The following IGF2BP1 variants were observed in gnomAD, a reference collection of about 807,000 sequenced individuals.
IGF2BP1 encodes the protein insulin-like growth factor 2 mRNA-binding protein 1.
IGF2BP1 carries 11 observed loss-of-function variants against 74.9 expected under a neutral mutation model. The ratio of observed to expected loss-of-function variants is 0.15; its 90% CI spans 0.09 to 0.24. The LOEUF (loss-of-function observed/expected upper bound fraction) is 0.24. IGF2BP1 is among the 10% of genes least tolerant of loss of function. IGF2BP1 has a pLI of 1.00. For synonymous variants in IGF2BP1, 287 were observed against 281.8 expected, an observed-to-expected ratio of 1.02 and a Z score of -0.18; for missense variants, 440 against 757.4, an observed-to-expected ratio of 0.58 and a Z score of 4.92.
intron 4 of IGF2BP1, 118 bp from the exon 5 acceptor site, chr17:49,031,792 C>G: frequency 2.2e-6 from 2 of 897,520 alleles, no homozygotes; most frequent in Admixed American, 1.9e-5. Flanking sequence ...TGTGATCTAC[C>G]GTGTCTGGCC....
chr17:49,014,908 C>G, intron 2 of IGF2BP1: 1 of 985,328 alleles, frequency 1.0e-6, no homozygotes, highest in Non-Finnish European at 1.2e-6. Flanking sequence ...AGAGGGCCAC[C>G]TCGGCTGTTC....
chr17:49,047,353 GTATT>G (rs2144152893), intron 14 of IGF2BP1, among the ~76,000 whole-genome samples: 1 of 151,948 alleles, frequency 6.6e-6, no homozygotes, highest in Admixed American at 6.5e-5. Context: ...TAACAAAAAA[GTATT>G]AATAAGAGCC....
intron 2 of IGF2BP1, among the ~76,000 whole-genome samples, chr17:49,011,382 T>C (rs892817421): frequency 4.6e-5 from 7 of 152,048 alleles, no homozygotes. Flanking sequence ...CTTTCTACAA[T>C]TATAGGAGCA....
chr17:49,003,814 C>T (rs1182616926), intron 2 of IGF2BP1, among the ~76,000 whole-genome samples: 11 of 133,290 alleles, frequency 8.3e-5, no homozygotes, highest in African/African-American at 3.2e-4. Context: ...AGGGGAGATA[C>T]GGGGTTGGGT....
chr17:49,020,510 C>A (rs1420398537), intron 2 of IGF2BP1, among the ~76,000 whole-genome samples: 1 of 152,206 alleles, frequency 6.6e-6, no homozygotes, highest in African/African-American at 2.4e-5. Flanking sequence ...TGCAGAACCA[C>A]AGCCAGAATT....
intron 5 of IGF2BP1, among the ~76,000 whole-genome samples, chr17:49,037,734 T>G (rs2042005934): frequency 6.6e-6 from 1 of 152,204 alleles, no homozygotes; most frequent in East Asian, 1.9e-4. Flanking sequence ...CACCCTGTAG[T>G]AGGGATTCCT....
At chr17:49,011,492 A>C (rs996308602) in intron 2 of IGF2BP1, among the ~76,000 whole-genome samples, 4 of 152,238 alleles carry the variant, frequency 2.6e-5, no homozygotes, top group African/African-American at 7.2e-5. Context: ...ATCTGAACTA[A>C]GGTCACACCT....
chr17:48,997,383 T>TC (rs58762425), upstream of IGF2BP1: 6 of 161,110 alleles, frequency 3.7e-5, no homozygotes, highest in Non-Finnish European at 6.6e-5. This position sits in a 1 kb window ranked among gnomAD's most constrained non-coding sequence, Gnocchi z 4.8. Flanking sequence ...TTTTTTTTTT[T>TC]CCGCTCCATT....
At chr17:49,001,593 G>A (rs1018235597) in intron 2 of IGF2BP1, among the ~76,000 whole-genome samples, 2 of 152,032 alleles carry the variant, frequency 1.3e-5, no homozygotes, top group Non-Finnish European at 2.9e-5. Context: ...TCAAGAGGCC[G>A]AACACTATGC....
intron 2 of IGF2BP1, chr17:49,014,929 A>C: frequency 2.0e-6 from 2 of 985,090 alleles, no homozygotes; most frequent in Non-Finnish European, 2.4e-6. Flanking sequence ...CCTCTGGAGG[A>C]CAGAGCCCGA....
intron 2 of IGF2BP1, among the ~76,000 whole-genome samples, chr17:49,020,774 T>C (rs2041782184): frequency 6.6e-6 from 1 of 152,082 alleles, no homozygotes; most frequent in Non-Finnish European, 1.5e-5. Context: ...CGTATTTCCA[T>C]AGTTAGTTGA....
chr17:49,020,986 A>T (rs1407731011), intron 2 of IGF2BP1, among the ~76,000 whole-genome samples: 2 of 151,222 alleles, frequency 1.3e-5, no homozygotes, highest in African/African-American at 4.9e-5. Context: ...AAAAAAAAAA[A>T]AAATTGGAGC....
rs2042146787 is a variant in IGF2BP1 at position 49,049,647 on chromosome 17, A to G, written c.*203A>G. On this transcript the variant is annotated 3_prime_UTR_variant, in exon 15 of 15. Coordinates refer to ENST00000290341, the MANE Select transcript of IGF2BP1 (RefSeq NM_006546.4). ...CAAACACCCACCCAATTGGCCCAAC[A>G]CTGTCTGCCCCTCGGGGTGTCAGAA... 2 of 538,732 alleles carry G rather than the reference A, an allele frequency of 3.7e-6. No homozygotes were observed. Among genetic ancestry groups the G allele is most frequent in the East Asian group, 3.2e-5 (1 of 31,166 alleles). The allele number at this position is 538,732 out of a possible 1,614,324, so 33.4% of individuals were successfully genotyped here.
intron 6 of IGF2BP1, among the ~76,000 whole-genome samples, chr17:49,039,201 A>C (rs573384017): frequency 6.6e-6 from 1 of 152,078 alleles, no homozygotes; most frequent in South Asian, 2.1e-4. Flanking sequence ...ATATCTGATC[A>C]GTGTACTCAG....
In IGF2BP1 at chr17:49,044,223, C is replaced by T. The variant is rs112137997; in HGVS notation, c.1320+137C>T. The T allele has an allele frequency of 5.3e-5, 67 of 1,261,094 alleles. 2 individuals carry two copies. In the African/African-American group the frequency reaches 7.2e-4, roughly 14 times the overall value. The allele number at this position is 1,261,094 out of a possible 1,614,324, so 78.1% of individuals were successfully genotyped here. On this transcript the variant is annotated intron_variant, in intron 11 of 14. Coordinates refer to ENST00000290341, the MANE Select transcript of IGF2BP1 (RefSeq NM_006546.4). The stretch of plus-strand genomic sequence containing the variant: ...ATGAGGGACCTTTCCCCCATGGAAT[C>T]GAAGTCCTCTTTGTTTTTGATCTTG...
intron 2 of IGF2BP1, among the ~76,000 whole-genome samples, chr17:49,000,537 A>G (rs1442703333): frequency 1.1e-4 from 17 of 152,192 alleles, no homozygotes; most frequent in Admixed American, 1.1e-3. Context: ...AAGAAGTCTT[A>G]TTTGTTATTT....
At chr17:49,046,061 T>C (rs4643373) in intron 13 of IGF2BP1, 40 bp downstream of exon 13, 451,012 of 1,605,878 alleles carry the variant, frequency 0.28, 66,404 homozygotes, top group Middle Eastern at 0.3. Context: ...TGGGCCTTGG[T>C]CTCCAATCTC....
Position 49,037,166 on chromosome 17 carries a change from T to C in IGF2BP1, c.402-1002T>C, listed in dbSNP as rs2041999568. 1.3e-5 allele frequency: 6 copies of C among 458,834 alleles called. No homozygotes were observed. In the East Asian group the frequency reaches 3.7e-4, roughly 29 times the overall value. The allele number at this position is 458,834 out of a possible 1,614,324, so 28.4% of individuals were successfully genotyped here. Reference sequence around the variant, plus strand: ...ATCTCAGACATGTTGAAAAAGATGTTTGGATCCCTAAAATAATGAGAGAAA... The same window carrying C: ...ATCTCAGACATGTTGAAAAAGATGTCTGGATCCCTAAAATAATGAGAGAAA... On this transcript the variant is annotated intron_variant, in intron 5 of 14. Coordinates refer to ENST00000290341, the MANE Select transcript of IGF2BP1 (RefSeq NM_006546.4).
intron 2 of IGF2BP1, chr17:49,014,936 C>T: frequency 1.0e-6 from 1 of 985,218 alleles, no homozygotes; most frequent in Non-Finnish European, 1.2e-6. Flanking sequence ...AGGACAGAGC[C>T]CGACTCTGTC....
Sources: allele counts gnomAD v4.1 joint callset (sites outside exome capture counted in the v4.1 genomes callset), GRCh38; gene constraint gnomAD v4.1.1; non-coding constraint Gnocchi (gnomAD v3.1); transcripts MANE v1.5; gene names NCBI Gene and HGNC (gene_info 2026-07-23, HGNC 2026-07-21).